Variants in CAT observed in about 807,000 individuals in gnomAD.
CAT encodes epididymis secretory sperm binding protein.
CAT carries 43 observed loss-of-function variants against 59.0 expected under a neutral mutation model. The observed-to-expected ratio is 0.73, with a 90% CI of 0.57 to 0.94. CAT has a LOEUF of 0.94. Ranked by LOEUF, CAT falls within the 40% of genes least tolerant of loss-of-function variation. CAT has a pLI of 0.00. For synonymous variants in CAT, 218 were observed against 230.9 expected (o/e 0.94, Z 0.51); for missense variants, 664 against 682.9 (o/e 0.97, Z 0.31).
intron 2 of CAT, 145 bp from the exon 3 acceptor site, chr11:34,450,843 G>A: frequency 2.6e-6 from 2 of 757,462 alleles, no homozygotes; most frequent in South Asian, 2.7e-5. Context: ...TTTGTGTTTG[G>A]GCATTTCCCC....
At chr11:34,456,289 A>C in intron 7 of CAT, 87 bp downstream of exon 7, 1 of 1,031,254 alleles carries the variant, frequency 9.7e-7, no homozygotes, top group Non-Finnish European at 1.5e-6. Flanking sequence ...AATTATAATA[A>C]TGGGGAAGTC....
At chr11:34,465,596 T>G (rs1856705215) in intron 10 of CAT, among the ~76,000 whole-genome samples, 1 of 152,234 alleles carries the variant, frequency 6.6e-6, no homozygotes, top group Non-Finnish European at 1.5e-5. Flanking sequence ...GTGCTCATTC[T>G]TATTGAGAGA....
intron 11 of CAT, 83 bp from the exon 12 acceptor site, chr11:34,470,874 TA>T: frequency 8.8e-7 from 1 of 1,130,048 alleles, no homozygotes; most frequent in South Asian, 1.2e-5. Flanking sequence ...CCCTATGGAA[TA>T]AACACTGGGA....
At chr11:34,471,118 C>A in intron 12 of CAT, 77 bp downstream of exon 12, 1 of 1,229,052 alleles carries the variant, frequency 8.1e-7, no homozygotes, top group Non-Finnish European at 1.2e-6. Flanking sequence ...TACCACTTAG[C>A]ATTACAGTCT....
chr11:34,454,722 G>T (rs1856569049), intron 6 of CAT, among the ~76,000 whole-genome samples: 1 of 152,252 alleles, frequency 6.6e-6, no homozygotes, highest in Middle Eastern at 3.4e-3. Context: ...TGAAACAGTT[G>T]ACCCATTGGC....
In CAT at chr11:34,454,011, G is replaced by T. The variant is rs556723718; in HGVS notation, c.711+85G>T. The T allele has an allele frequency of 2.9e-5, 42 of 1,442,572 alleles. No individual in the cohort carries two copies. The Admixed American group carries it at 6.2e-4, about 21-fold the overall frequency. The allele number at this position is 1,442,572 out of a possible 1,614,324, so 89.4% of individuals were successfully genotyped here. A position where few individuals can be genotyped will look rare whatever the true frequency, so the allele number is the denominator to read the frequency against. Reference sequence around the variant, plus strand: ...CCTGAAGGATTGAGCAAAGATTAAGGCTTCTCCCACTTTTCCCTCACCTCC... The same window carrying T: ...CCTGAAGGATTGAGCAAAGATTAAGTCTTCTCCCACTTTTCCCTCACCTCC... On this transcript the variant is annotated intron_variant, in intron 6 of 12. Coordinates refer to ENST00000241052, the MANE Select transcript of CAT (RefSeq NM_001752.4).
intron 8 of CAT, among the ~76,000 whole-genome samples, chr11:34,459,468 A>G (rs1329333825): frequency 6.6e-6 from 1 of 152,238 alleles, no homozygotes; most frequent in East Asian, 1.9e-4. Flanking sequence ...AATACAAGTC[A>G]TAGAGAGACT....
intron 8 of CAT, among the ~76,000 whole-genome samples, chr11:34,458,688 A>C (rs1226626901): frequency 6.6e-6 from 1 of 152,252 alleles, no homozygotes; most frequent in African/African-American, 2.4e-5. Context: ...AAGGTTACCT[A>C]AACTCTTTTC....
Position 34,471,583 on chromosome 11 carries a change from C to A in CAT, c.*150C>A. The A allele has an allele frequency of 1.4e-6, 1 of 700,650 alleles. No individual in the cohort carries two copies. The highest frequency in any genetic ancestry group is 2.6e-6 in the Non-Finnish European group (1 of 382,236). The allele number at this position is 700,650 out of a possible 1,614,324, so 43.4% of individuals were successfully genotyped here. On this transcript the variant is annotated 3_prime_UTR_variant, in exon 13 of 13. Transcript: ENST00000241052. ...CCACTTTCTATAGCAGATTGTGTAA[C>A]AATTTTAATGCTATTTCCCCAGGGG...
intron 11 of CAT, 47 bp downstream of exon 11, chr11:34,468,442 C>G (rs1183239231): frequency 7.6e-7 from 1 of 1,323,764 alleles, no homozygotes; most frequent in Non-Finnish European, 1.1e-6. Context: ...CTAAGGAAGA[C>G]AGTGCAGCTG....
chr11:34,448,605 T>C (rs1413376426), intron 1 of CAT, among the ~76,000 whole-genome samples: 3 of 152,214 alleles, frequency 2.0e-5, no homozygotes, highest in Admixed American at 6.5e-5. Flanking sequence ...ACATTAATAC[T>C]ATAATCCACC....
At chr11:34,459,705 C>T (rs1183902934) in intron 8 of CAT, among the ~76,000 whole-genome samples, 2 of 152,204 alleles carry the variant, frequency 1.3e-5, no homozygotes, top group African/African-American at 4.8e-5. Context: ...CTTTGTTGGT[C>T]TCCACCCATA....
chr11:34,471,124 A>G, intron 12 of CAT, 83 bp downstream of exon 12: 1 of 1,166,178 alleles, frequency 8.6e-7, no homozygotes, highest in Non-Finnish European at 1.3e-6. Context: ...TTAGCATTAC[A>G]GTCTGCAGGG....
chr11:34,456,973 G>T lies in CAT; in HGVS notation c.1056+156G>T, dbSNP rs574528519. On this transcript the variant is annotated intron_variant, in intron 8 of 12. Transcript: ENST00000241052. ...TGGTTACCTTGTGGGATTCACTGAG[G>T]TGAACTATTCTTCAATGAGCATTCC... 19 of 763,904 alleles carry T rather than the reference G, an allele frequency of 2.5e-5. No homozygotes were observed. In the East Asian group the frequency reaches 4.8e-4, roughly 19 times the overall value. The allele number at this position is 763,904 out of a possible 1,614,324, so 47.3% of individuals were successfully genotyped here.
intron 1 of CAT, among the ~76,000 whole-genome samples, chr11:34,445,035 C>G (rs1856432937): frequency 6.6e-6 from 1 of 152,066 alleles, no homozygotes; most frequent in Non-Finnish European, 1.5e-5. Context: ...GCTGCTTCCT[C>G]CTGCTTGTTA....
At position 34,461,397 on chromosome 11, in the gene CAT, TA is replaced by T. The variant is rs759339713; in HGVS notation, c.1195+11del. 3.1e-6 allele frequency: 5 copies of T among 1,614,170 alleles called. No individual in the cohort carries two copies. The South Asian group carries it at 5.5e-5, about 18-fold the overall frequency. ...GCATGCAGGACAATCAGGGTAGGCC[TA>T]AAGACGTTGGGCTCCCCCTGCGTGG... On this transcript the variant is annotated intron_variant, in intron 9 of 12. Coordinates refer to ENST00000241052, the MANE Select transcript of CAT (RefSeq NM_001752.4).
At chr11:34,454,395 G>C (rs1856565369) in intron 6 of CAT, among the ~76,000 whole-genome samples, 1 of 152,148 alleles carries the variant, frequency 6.6e-6, no homozygotes, top group Non-Finnish European at 1.5e-5. Context: ...TATAAGCATG[G>C]CATTTGTTAC....
chr11:34,463,946 G>A (rs542032692), intron 9 of CAT, among the ~76,000 whole-genome samples, 159 bp from the exon 10 acceptor site: 2 of 152,276 alleles, frequency 1.3e-5, no homozygotes, highest in East Asian at 1.9e-4. Flanking sequence ...AGCTAAATGC[G>A]GGAAATTAAA....
At chr11:34,452,976 G>A in intron 4 of CAT, 114 bp from the exon 5 acceptor site, 1 of 739,214 alleles carries the variant, frequency 1.4e-6, no homozygotes, top group Non-Finnish European at 2.4e-6. Flanking sequence ...TAAAATTCTA[G>A]GATTGTATTT....
Sources: gnomAD v4.1 joint callset for allele counts (sites outside exome capture counted in the v4.1 genomes callset) on GRCh38, gnomAD v4.1.1 for gene constraint, MANE v1.5 for transcripts, NCBI Gene and HGNC (gene_info 2026-07-23, HGNC 2026-07-21) for gene names.